The following TREM1 variants were observed in gnomAD, a reference collection of about 807,000 sequenced individuals.
TREM1 encodes the protein triggering receptor expressed on myeloid cells 1, also known as triggering receptor expressed on monocytes 1.
In TREM1, 16 loss-of-function variants were observed where a neutral mutation model predicts 22.4. The observed-to-expected ratio is 0.71, with a 90% CI of 0.48 to 1.08. TREM1 has a LOEUF of 1.08. TREM1 is among the 50% of genes least tolerant of loss of function. The pLI, the probability that TREM1 is intolerant of heterozygous loss-of-function variation, is 0.00. For synonymous variants in TREM1, 110 were observed against 111.6 expected, an observed-to-expected ratio of 0.99 and a Z score of 0.09; for missense variants, 283 against 282.9, an observed-to-expected ratio of 1.00 and a Z score of 0.00.
At chr6:41,276,524 A>C (rs941596013) in intron 3 of TREM1, among the ~76,000 whole-genome samples, 21 of 152,292 alleles carry the variant, frequency 1.4e-4, no homozygotes, top group African/African-American at 4.3e-4. Flanking sequence ...GACTCTGGCC[A>C]GGAAACCCGC....
Position 41,286,630 on chromosome 6 carries a change from A to G in TREM1, c.26T>C (p.Leu9Pro). 2 of 1,613,996 alleles carry G rather than the reference A, an allele frequency of 1.2e-6. No individual in the cohort carries two copies. Among genetic ancestry groups the G allele is most frequent in the Non-Finnish European group, 1.7e-6 (2 of 1,179,966 alleles). ...ACCTGAGACAAAGAGCATCCACAGC[A>G]GCCCCCAGAGCCTGGTCTTCCTCAT... MRKTRLWG[L>P]LWMLFVSELR... The change falls in exon 1 of 4, where the codon CTG (leucine) becomes CCG (proline). Residue 9 changes from leucine to proline, a missense_variant. Leu to Pro is a moderately conservative substitution (Grantham distance 98). Transcript: ENST00000244709.
intron 1 of TREM1, among the ~76,000 whole-genome samples, chr6:41,286,020 G>A (rs939486526): frequency 6.6e-6 from 1 of 152,214 alleles, no homozygotes; most frequent in Non-Finnish European, 1.5e-5. Context: ...TGTGCGGATC[G>A]TAAGAGGAGA....
chr6:41,272,597 T>G (rs1767513934), downstream of TREM1, among the ~76,000 whole-genome samples: 1 of 152,108 alleles, frequency 6.6e-6, no homozygotes, highest in African/African-American at 2.4e-5. Flanking sequence ...AATCTGTATT[T>G]TAGCAACAGC....
At chr6:41,280,111 T>C (rs763013640) in intron 3 of TREM1, 14 of 931,124 alleles carry the variant, frequency 1.5e-5, no homozygotes, top group Non-Finnish European at 1.8e-5. Flanking sequence ...TAATTAGACT[T>C]ACTGCCATAT....
chr6:41,278,826 G>C (rs1767779332), intron 3 of TREM1, among the ~76,000 whole-genome samples: 1 of 152,052 alleles, frequency 6.6e-6, no homozygotes, highest in Admixed American at 6.6e-5. Context: ...AGGAGAATAG[G>C]GTCTGGAGGC....
intron 1 of TREM1, among the ~76,000 whole-genome samples, chr6:41,283,713 A>ACACACACAC (rs1768030850): frequency 7.3e-6 from 1 of 136,964 alleles, no homozygotes; most frequent in African/African-American, 3.2e-5. Flanking sequence ...CTCTGTTAAA[A>ACACACACAC]AAAAAAACAC....
chr6:41,282,221 G>A (rs1284112757), intron 2 of TREM1, 174 bp downstream of exon 2: 1 of 594,868 alleles, frequency 1.7e-6, no homozygotes, highest in African/African-American at 1.9e-5. Flanking sequence ...GCTATCCAAG[G>A]AGAATCTCAT....
chr6:41,275,568 T>G lies in TREM1; in HGVS notation c.*557A>C, dbSNP rs1299119280. Reference sequence around the variant, plus strand: ...CTCTTTTCTCTGAGAAGGATGCACTTTCTCACCACGATGTCTTATTTCTCC... The same window carrying G: ...CTCTTTTCTCTGAGAAGGATGCACTGTCTCACCACGATGTCTTATTTCTCC... On this transcript the variant is annotated 3_prime_UTR_variant, in exon 4 of 4. Coordinates refer to ENST00000244709, the MANE Select transcript of TREM1 (RefSeq NM_018643.5). 2 of 153,130 alleles carry G rather than the reference T, an allele frequency of 1.3e-5. No homozygotes were observed. Among genetic ancestry groups the G allele is most frequent in the African/African-American group, 4.8e-5 (2 of 41,454 alleles). The allele number at this position is 153,130 out of a possible 1,614,324, so 9.5% of individuals were successfully genotyped here.
intron 1 of TREM1, 65 bp downstream of exon 1, chr6:41,286,542 A>T: frequency 6.3e-7 from 1 of 1,586,824 alleles, no homozygotes; most frequent in Non-Finnish European, 8.6e-7. Flanking sequence ...AAGCTTCAAC[A>T]GAAAAGGGCT....
chr6:41,282,829 CCT>C, intron 1 of TREM1, 78 bp from the exon 2 acceptor site: 28 of 1,338,334 alleles, frequency 2.1e-5, no homozygotes, highest in Non-Finnish European at 2.8e-5. Context: ...AGAGGAGCCC[CCT>C]GTTTTTCTTG....
At chr6:41,278,557 C>T (rs1767763843) in intron 3 of TREM1, among the ~76,000 whole-genome samples, 1 of 151,442 alleles carries the variant, frequency 6.6e-6, no homozygotes, top group South Asian at 2.1e-4. Flanking sequence ...CCTGTGGTCC[C>T]AGCTACTTGG....
rs1767624567 is a variant in TREM1 at position 41,275,292 on chromosome 6, C to A, written c.*833G>T. The A allele has an allele frequency of 6.6e-6, 1 of 152,236 alleles. No homozygotes were observed. The highest frequency in any genetic ancestry group is 6.5e-5 in the Admixed American group (1 of 15,276). 9.4% of individuals were successfully genotyped at this position (152,236 alleles called of 1,614,324 possible). ...AAGAGGCATTTAGACACAGGCGGAACTCCTGGTTATTCTATTCTATATGGT... is the reference window on the plus strand; with the variant it reads ...AAGAGGCATTTAGACACAGGCGGAAATCCTGGTTATTCTATTCTATATGGT... On this transcript the variant is annotated 3_prime_UTR_variant, in exon 4 of 4. Transcript: ENST00000244709.
chr6:41,277,588 C>T (rs2113979751), intron 3 of TREM1, among the ~76,000 whole-genome samples: 1 of 152,302 alleles, frequency 6.6e-6, no homozygotes, highest in African/African-American at 2.4e-5. Flanking sequence ...CTATGCTGAA[C>T]TCCTGGGGCA....
Position 41,274,929 on chromosome 6 carries a change from T to C in TREM1, c.*1196A>G, listed in dbSNP as rs1403891197. Among the ~76,000 whole-genome samples, 1 of 152,128 alleles carries C rather than the reference T, an allele frequency of 6.6e-6. No homozygotes were observed. Among genetic ancestry groups the C allele is most frequent in the East Asian group, 1.9e-4 (1 of 5,188 alleles). Reference sequence around the variant, plus strand: ...AATATCTGCCCTGGGCATCACTAAATTGGGCTGGAAGGACCCACCATCCTT... The same window carrying C: ...AATATCTGCCCTGGGCATCACTAAACTGGGCTGGAAGGACCCACCATCCTT... On this transcript the variant is annotated 3_prime_UTR_variant, in exon 4 of 4. Coordinates refer to ENST00000244709, the MANE Select transcript of TREM1 (RefSeq NM_018643.5).
chr6:41,280,983 T>C lies in TREM1; in HGVS notation c.577A>G (p.Thr193Ala). 6.2e-7 allele frequency: 1 copy of C among 1,614,216 alleles called. No homozygotes were observed. The highest frequency in any genetic ancestry group is 8.5e-7 in the Non-Finnish European group (1 of 1,180,030). ...VSTPDSEINL[T>A]NVTDIIRVPV... is the part of the protein sequence containing the mutation. ...TACCTGATGATATCTGTCACATTTG[T>C]AAGGTTGATTTCAGAGTCAGGAGTG... The change falls in exon 3 of 4, where the codon ACA (threonine) becomes GCA (alanine). Residue 193 changes from threonine (T) to alanine (A), a missense_variant. By Grantham distance (58) the Thr-to-Ala change is moderately conservative. Transcript: ENST00000244709.
chr6:41,277,167 C>A (rs755970009), intron 3 of TREM1, among the ~76,000 whole-genome samples: 13 of 152,076 alleles, frequency 8.5e-5, no homozygotes, highest in Non-Finnish European at 1.6e-4. Context: ...ACACACCCAC[C>A]TATACAAAAC....
At chr6:41,267,424 C>G (rs1376504418), downstream of TREM1, among the ~76,000 whole-genome samples, 6 of 152,046 alleles carry the variant, frequency 3.9e-5, no homozygotes, top group Non-Finnish European at 7.4e-5. Flanking sequence ...TTTTTTTCTA[C>G]AACAGAGTGA....
At position 41,279,918 on chromosome 6, in the gene TREM1, G is replaced by C. The variant is rs375805287; in HGVS notation, c.599+1043C>G. ...TATTTAAAAGAAGAAAAATATATCT[G>C]CAAGAATATGTTTATCTCAGAGTTA... On this transcript the variant is annotated intron_variant, in intron 3 of 3. Coordinates refer to ENST00000244709, the MANE Select transcript of TREM1 (RefSeq NM_018643.5). 1.7e-3 allele frequency: 1,663 copies of C among 973,782 alleles called. 50 individuals carry two copies. In the South Asian group the frequency reaches 0.064, roughly 38 times the overall value. The allele number at this position is 973,782 out of a possible 1,614,324, so 60.3% of individuals were successfully genotyped here. A position where few individuals can be genotyped will look rare whatever the true frequency, so the allele number is the denominator to read the frequency against.
rs1445498807 is a variant in TREM1, at chr6:41,273,702, G to T, written c.*2423C>A. ...ATGCTGAGGCTGGCAATAGTGGTGG[G>T]TCATTCCCACTGCTGGGCCTACAGA... is the stretch of plus-strand genomic sequence containing the variant. On this transcript the variant is annotated 3_prime_UTR_variant, in exon 4 of 4. Transcript: ENST00000244709. 2.6e-5 allele frequency among the ~76,000 whole-genome samples: 4 copies of T among 152,232 alleles called. No homozygotes were observed. The highest frequency in any genetic ancestry group is 6.5e-5 in the Admixed American group (1 of 15,290).
Sources: allele counts gnomAD v4.1 joint callset (sites outside exome capture counted in the v4.1 genomes callset), GRCh38; gene constraint gnomAD v4.1.1; transcripts MANE v1.5; gene names NCBI Gene and HGNC (gene_info 2026-07-23, HGNC 2026-07-21).